Variants in MAPK14 observed in about 807,000 individuals in gnomAD.
MAPK14 encodes the protein mitogen-activated protein kinase 14, also known as CSAID-binding protein.
In MAPK14, 16 loss-of-function variants were observed where a neutral mutation model predicts 49.6. The ratio of observed to expected loss-of-function variants is 0.32; its 90% CI spans 0.22 to 0.49. The LOEUF (loss-of-function observed/expected upper bound fraction) is 0.49, where lower values mean the gene tolerates loss of function less well. Ranked by LOEUF, MAPK14 falls within the 20% of genes least tolerant of loss-of-function variation. The pLI, the probability that MAPK14 is intolerant of heterozygous loss-of-function variation, is 0.99. For synonymous variants in MAPK14, 142 were observed against 158.0 expected, an observed-to-expected ratio of 0.90 and a Z score of 0.76; for missense variants, 200 against 441.2, an observed-to-expected ratio of 0.45 and a Z score of 4.90.
In MAPK14 at chr6:36,044,767, T is replaced by C. The variant is rs189552460; in HGVS notation, c.117-7932T>C. On this transcript the variant is annotated intron_variant, in intron 1 of 11. Transcript: ENST00000229794. ...GCTCATTGATAGCTCCAGTCATCTT[T>C]GGAGGATTGTCTGAAGAATATGGAG... Among the ~76,000 whole-genome samples the C allele has an allele frequency of 1.5e-4, 23 of 152,270 alleles. 1 individual carries two copies. The highest frequency in any genetic ancestry group is 4.4e-5 in the Non-Finnish European group (3 of 68,026).
intron 7 of MAPK14, 141 bp from the exon 8 acceptor site, chr6:36,076,395 CT>C: frequency 1.5e-6 from 1 of 667,246 alleles, no homozygotes; most frequent in Non-Finnish European, 2.6e-6. Flanking sequence ...CTATTTATTT[CT>C]GTAAAAATGA....
At chr6:36,120,776 G>A in the MAPK14 span, among the ~76,000 whole-genome samples, 1 of 152,176 alleles carries the variant, frequency 6.6e-6, no homozygotes, top group Non-Finnish European at 1.5e-5. Context: ...CCTCACTAGG[G>A]TAGGAGCTTC....
At chr6:36,095,747 GA>G (rs1306987112) in intron 8 of MAPK14, among the ~76,000 whole-genome samples, 1 of 152,276 alleles carries the variant, frequency 6.6e-6, no homozygotes, top group Non-Finnish European at 1.5e-5. Flanking sequence ...TGCATAAAAT[GA>G]ATATAAAGTG....
the MAPK14 span, among the ~76,000 whole-genome samples, chr6:36,120,763 C>T: frequency 6.6e-6 from 1 of 152,144 alleles, no homozygotes; most frequent in Non-Finnish European, 1.5e-5. Context: ...TTCCTGTTGC[C>T]GCCCTCACTA....
At chr6:36,068,067 G>C (rs1764130924) in intron 3 of MAPK14, among the ~76,000 whole-genome samples, 1 of 152,124 alleles carries the variant, frequency 6.6e-6, no homozygotes, top group African/African-American at 2.4e-5. Context: ...GGAGTACAAG[G>C]GTGGGGGGAA....
chr6:36,058,951 G>T (rs1180688326), intron 2 of MAPK14, among the ~76,000 whole-genome samples: 1 of 150,780 alleles, frequency 6.6e-6, no homozygotes, highest in African/African-American at 2.4e-5. Context: ...GTGCAGTGGC[G>T]CAATCTCGGG....
intron 8 of MAPK14, 188 bp downstream of exon 8, chr6:36,076,796 T>C: frequency 2.2e-6 from 1 of 447,682 alleles, no homozygotes; most frequent in Non-Finnish European, 4.0e-6. Flanking sequence ...CAGTTTACTT[T>C]TGTGAGTTGG....
At chr6:36,076,159 G>A (rs1764524352) in intron 7 of MAPK14, among the ~76,000 whole-genome samples, 197 bp downstream of exon 7, 1 of 152,096 alleles carries the variant, frequency 6.6e-6, no homozygotes, top group Admixed American at 6.5e-5. Flanking sequence ...TAAACCTTGT[G>A]ATTTAGCAAT....
chr6:36,041,832 A>G (rs1401563854), intron 1 of MAPK14, among the ~76,000 whole-genome samples: 1 of 152,218 alleles, frequency 6.6e-6, no homozygotes, highest in African/African-American at 2.4e-5. Flanking sequence ...GTCGTCCATC[A>G]GTGTTAAATG....
intron 1 of MAPK14, among the ~76,000 whole-genome samples, chr6:36,032,071 C>T (rs991134797): frequency 1.3e-5 from 2 of 152,038 alleles, no homozygotes; most frequent in African/African-American, 4.8e-5. Flanking sequence ...GATGAGCCAC[C>T]ACACCCAGCC....
At chr6:36,034,808 G>C (rs540863904) in intron 1 of MAPK14, among the ~76,000 whole-genome samples, 3 of 151,570 alleles carry the variant, frequency 2.0e-5, no homozygotes, top group African/African-American at 4.8e-5. Context: ...TGTGGTAAGC[G>C]AGTCTTTTGG....
intron 3 of MAPK14, among the ~76,000 whole-genome samples, chr6:36,060,244 T>C (rs1763760412): frequency 1.3e-5 from 2 of 152,248 alleles, no homozygotes; most frequent in South Asian, 4.1e-4. Context: ...CCTGACCCCA[T>C]TGGCAAGGGT....
intron 9 of MAPK14, chr6:36,100,343 C>T: frequency 9.7e-7 from 1 of 1,033,590 alleles, no homozygotes; most frequent in Middle Eastern, 2.0e-4. Context: ...GTATAACCAA[C>T]AGTTCTTAAC....
chr6:36,065,461 G>A (rs1764011050), intron 3 of MAPK14, among the ~76,000 whole-genome samples: 1 of 150,240 alleles, frequency 6.7e-6, no homozygotes, highest in Admixed American at 6.6e-5. Context: ...GGTGGGGAAA[G>A]TACAAGTTCA....
chr6:36,119,157 C>T, the MAPK14 span, among the ~76,000 whole-genome samples: 7 of 152,300 alleles, frequency 4.6e-5, no homozygotes, highest in East Asian at 1.3e-3. Flanking sequence ...CATTATTATT[C>T]AGTGATCTGT....
chr6:36,094,251 G>C (rs973680339), intron 8 of MAPK14, among the ~76,000 whole-genome samples: 1 of 152,130 alleles, frequency 6.6e-6, no homozygotes, highest in African/African-American at 2.4e-5. Context: ...TTTCTAGTTT[G>C]TTTTTGCTTG....
intron 3 of MAPK14, among the ~76,000 whole-genome samples, chr6:36,067,489 T>C (rs1764106684): frequency 6.6e-6 from 1 of 152,204 alleles, no homozygotes; most frequent in Admixed American, 6.5e-5. Context: ...TGTCACTGTT[T>C]ATAACTGGTT....
intron 8 of MAPK14, among the ~76,000 whole-genome samples, chr6:36,094,361 CTG>C (rs1333083331): frequency 1.3e-5 from 2 of 152,186 alleles, no homozygotes; most frequent in African/African-American, 2.4e-5. Context: ...CATATGGTAA[CTG>C]TGCTTGTTGT....
At chr6:36,100,340 C>A in intron 9 of MAPK14, 2 of 1,112,406 alleles carry the variant, frequency 1.8e-6, no homozygotes, top group Non-Finnish European at 2.8e-6. Context: ...ACCGTATAAC[C>A]AACAGTTCTT....
Sources: gnomAD v4.1 joint callset for allele counts (sites outside exome capture counted in the v4.1 genomes callset) on GRCh38, gnomAD v4.1.1 for gene constraint, MANE v1.5 for transcripts, NCBI Gene and HGNC (gene_info 2026-07-23, HGNC 2026-07-21) for gene names.